MOCOS: variants seen among roughly 807,000 people sequenced by gnomAD.
MOCOS encodes the protein molybdenum cofactor sulfurase.
A neutral mutation model predicts 83.6 loss-of-function variants in MOCOS; 86 were observed. That is an observed-to-expected ratio of 1.03 (90% CI 0.86 to 1.23). The LOEUF (loss-of-function observed/expected upper bound fraction) is 1.23. Among genes scored for constraint, MOCOS ranks in the 50% most tolerant of loss-of-function variants. The probability of loss-of-function intolerance (pLI) is 0.00; values close to 1 mark genes in which losing one functional copy is unlikely to be tolerated. For synonymous variants in MOCOS, 445 were observed against 434.7 expected (o/e 1.02, Z -0.29); for missense variants, 1,120 against 1,126.9 (o/e 0.99, Z 0.09).
intron 9 of MOCOS, among the ~76,000 whole-genome samples, chr18:36,241,975 G>A (rs1286103404): frequency 3.9e-5 from 6 of 152,312 alleles, no homozygotes; most frequent in Middle Eastern, 3.4e-3. Flanking sequence ...CCTGACCCGC[G>A]AAGCCATTTT....
rs568737833 is a variant in MOCOS at position 36,193,167 on chromosome 18, C to T, written c.143-2090C>T. ...TCTACTAAAAATACAAAAAATTAGCCGGGCGCGGTGGCGGGCGCCTGTAGT... is the reference window on the plus strand; with the variant it reads ...TCTACTAAAAATACAAAAAATTAGCTGGGCGCGGTGGCGGGCGCCTGTAGT... On this transcript the variant is annotated intron_variant, in intron 1 of 14. Coordinates refer to ENST00000261326, the MANE Select transcript of MOCOS (RefSeq NM_017947.4). Among the ~76,000 whole-genome samples the T allele has an allele frequency of 6.0e-5, 9 of 149,152 alleles. No individual in the cohort carries two copies. In the South Asian group the frequency reaches 6.6e-4, roughly 11 times the overall value.
At position 36,195,303 on chromosome 18, in the gene MOCOS, C is replaced by T; in HGVS notation, c.189C>T (p.Ser63=). The T allele has an allele frequency of 6.2e-7, 1 of 1,614,124 alleles. No individual in the cohort carries two copies. Among genetic ancestry groups the T allele is most frequent in the Non-Finnish European group, 8.5e-7 (1 of 1,179,998 alleles). Residue 63 remains serine (S), a synonymous_variant, in exon 2 of 15, where the codon AGC becomes AGT. Transcript: ENST00000261326. ...DHAGATLFSQ[S]QLESFTSDLM... ...CAGGTGCCACCTTGTTCTCCCAGAG[C>T]CAGCTCGAAAGCTTCACTAGTGATC...
rs527586461 is a variant in MOCOS, at chr18:36,258,852, T to C, written c.2271-1185T>C. ...CTGCTGATAAACACATTAAGTGTTT[T>C]GGATCTTCACCAGCAACTACCACTA... On this transcript the variant is annotated intron_variant, in intron 12 of 14. Coordinates refer to ENST00000261326, the MANE Select transcript of MOCOS (RefSeq NM_017947.4). Among the ~76,000 whole-genome samples the C allele has an allele frequency of 3.9e-5, 6 of 152,332 alleles. No homozygotes were observed. The South Asian group carries it at 1.2e-3, about 32-fold the overall frequency.
chr18:36,248,816 T>C, intron 9 of MOCOS, 106 bp from the exon 10 acceptor site: 1 of 882,844 alleles, frequency 1.1e-6, no homozygotes, highest in Non-Finnish European at 1.8e-6. Flanking sequence ...TATTTTTATG[T>C]CAGTACCATG....
In MOCOS at chr18:36,260,156, T is replaced by C. The variant is rs1254337114; in HGVS notation, c.2390T>C (p.Ile797Thr). The C allele has an allele frequency of 5.0e-6, 8 of 1,614,070 alleles. No individual in the cohort carries two copies. In the Admixed American group the frequency reaches 5.0e-5, roughly 10 times the overall value. ...GAAGAGAAATGGGATGAGATTTCAA[T>C]TGGCTCTTTGCGTTTCCAGGTAAGT... ...FEEEKWDEISIGSLRFQVLGP... is the reference protein window; with the variant it reads ...FEEEKWDEISTGSLRFQVLGP... The change falls in exon 13 of 15, where the codon ATT becomes ACT. Residue 797 changes from isoleucine (I) to threonine (T), a missense_variant. Ile to Thr is a moderately conservative substitution (Grantham distance 89). Coordinates refer to ENST00000261326, the MANE Select transcript of MOCOS (RefSeq NM_017947.4).
intron 3 of MOCOS, 150 bp from the exon 4 acceptor site, chr18:36,199,533 T>A: frequency 1.7e-6 from 2 of 1,197,106 alleles, no homozygotes; most frequent in South Asian, 1.4e-5. Context: ...TCCCACGGCT[T>A]CCATTGCCCT....
intron 7 of MOCOS, among the ~76,000 whole-genome samples, chr18:36,214,710 G>A (rs932978432): frequency 6.6e-6 from 1 of 152,100 alleles, no homozygotes; most frequent in Non-Finnish European, 1.5e-5. Context: ...TAAAAAGAAA[G>A]AGGGATAGGA....
At chr18:36,227,401 T>A (rs567779991) in intron 9 of MOCOS, among the ~76,000 whole-genome samples, 41 of 147,562 alleles carry the variant, frequency 2.8e-4, no homozygotes, top group Non-Finnish European at 6.0e-4. Context: ...CCAGCTAAAT[T>A]TTTTTTTTTT....
At position 36,205,219 on chromosome 18, in the gene MOCOS, C is replaced by T. The variant is rs577289461; in HGVS notation, c.1161C>T (p.Gly387=). 20 of 1,613,872 alleles carry T rather than the reference C, an allele frequency of 1.2e-5. No homozygotes were observed. The highest frequency in any genetic ancestry group is 1.6e-5 in the Non-Finnish European group (19 of 1,179,986). Residue 387 remains glycine (G), a synonymous_variant, in exon 6 of 15, where the codon GGC becomes GGT. Coordinates refer to ENST00000261326, the MANE Select transcript of MOCOS (RefSeq NM_017947.4). The part of the protein sequence containing the change: ...DSEFSSPEVQ[G]PIINFNVLDD... Reference sequence around the variant, plus strand: ...AGTTCAGCAGCCCTGAGGTTCAGGGCCCAATCATCAATTTTAATGTGCTGG... The same window carrying T: ...AGTTCAGCAGCCCTGAGGTTCAGGGTCCAATCATCAATTTTAATGTGCTGG...
intron 9 of MOCOS, among the ~76,000 whole-genome samples, chr18:36,239,856 A>G (rs1240038491): frequency 4.6e-5 from 7 of 151,294 alleles, no homozygotes; most frequent in Non-Finnish European, 8.8e-5. Flanking sequence ...TTTTCTCTAA[A>G]TTTTCCTTCT....
chr18:36,207,163 A>G lies in MOCOS; in HGVS notation c.1218+1887A>G, dbSNP rs138590970. ...TTGATTCTCCTGCCTCAGCCTCTCA[A>G]GTAGTTGGAATTACAGATGTGCACC... On this transcript the variant is annotated intron_variant, in intron 6 of 14. Transcript: ENST00000261326. 5.5e-3 allele frequency among the ~76,000 whole-genome samples: 841 copies of G among 152,232 alleles called. 7 individuals are homozygous for G. Among genetic ancestry groups the G allele is most frequent in the African/African-American group, 0.019 (793 of 41,528 alleles).
chr18:36,264,527 G>A (rs936606542), intron 13 of MOCOS, among the ~76,000 whole-genome samples: 1 of 152,088 alleles, frequency 6.6e-6, no homozygotes, highest in Non-Finnish European at 1.5e-5. Flanking sequence ...TTCCACTCTC[G>A]AGCACGGTCA....
chr18:36,191,403 A>G (rs1341447232), intron 1 of MOCOS, among the ~76,000 whole-genome samples: 1 of 152,124 alleles, frequency 6.6e-6, no homozygotes, highest in African/African-American at 2.4e-5. Flanking sequence ...GCTGTCACTC[A>G]TGTCTTGTGT....
At chr18:36,237,142 T>A (rs1383782336) in intron 9 of MOCOS, among the ~76,000 whole-genome samples, 2 of 142,324 alleles carry the variant, frequency 1.4e-5, no homozygotes, top group Non-Finnish European at 3.1e-5. Flanking sequence ...CCTGCCTAAT[T>A]GCCCTGGCCA....
intron 4 of MOCOS, among the ~76,000 whole-genome samples, chr18:36,201,101 A>G (rs973330793): frequency 6.6e-6 from 1 of 152,214 alleles, no homozygotes; most frequent in Non-Finnish European, 1.5e-5. Flanking sequence ...CTGGGTCAAC[A>G]GTGGGGACAC....
chr18:36,202,615 C>G (rs2091418759), intron 4 of MOCOS, among the ~76,000 whole-genome samples: 1 of 152,162 alleles, frequency 6.6e-6, no homozygotes, highest in Non-Finnish European at 1.5e-5. Context: ...TTTTATAAGA[C>G]AGCAGAGGGA....
intron 8 of MOCOS, among the ~76,000 whole-genome samples, chr18:36,219,847 C>T (rs558041301): frequency 3.9e-4 from 59 of 152,282 alleles, no homozygotes; most frequent in African/African-American, 1.4e-3. Flanking sequence ...GAGTGTGGAC[C>T]TGGAGGCTGA....
At chr18:36,239,474 C>T (rs2091572798) in intron 9 of MOCOS, among the ~76,000 whole-genome samples, 1 of 151,716 alleles carries the variant, frequency 6.6e-6, no homozygotes, top group Non-Finnish European at 1.5e-5. Context: ...CCACTCTCTT[C>T]TGGCTTGTAG....
chr18:36,247,921 A>C (rs1158983855), intron 9 of MOCOS, among the ~76,000 whole-genome samples: 2 of 152,058 alleles, frequency 1.3e-5, no homozygotes, highest in African/African-American at 4.8e-5. Flanking sequence ...TCTCCTATCC[A>C]CTGTTCTTTT....
Sources: gnomAD v4.1 joint callset for allele counts (sites outside exome capture counted in the v4.1 genomes callset) on GRCh38, gnomAD v4.1.1 for gene constraint, MANE v1.5 for transcripts, NCBI Gene and HGNC (gene_info 2026-07-23, HGNC 2026-07-21) for gene names.